CUBN: variants seen among roughly 807,000 people sequenced by gnomAD.
The protein encoded by CUBN is cubilin.
A neutral mutation model predicts 405.3 loss-of-function variants in CUBN; 282 were observed. The observed-to-expected ratio is 0.70, with a 90% CI of 0.63 to 0.77. CUBN has a LOEUF of 0.77. CUBN is among the 30% of genes least tolerant of loss of function. CUBN has a pLI of 0.00. For synonymous variants in CUBN, 1,684 were observed against 1,617.0 expected, an observed-to-expected ratio of 1.04 and a Z score of -0.99; for missense variants, 4,514 against 4,475.2, an observed-to-expected ratio of 1.01 and a Z score of -0.25.
intron 9 of CUBN, 101 bp downstream of exon 9, chr10:17,110,818 C>T (rs1836756328): frequency 3.8e-6 from 6 of 1,562,602 alleles, no homozygotes; most frequent in Non-Finnish European, 5.3e-6. Context: ...CAACTGCACT[C>T]AGCCAGAAAT....
intron 56 of CUBN, 103 bp downstream of exon 56, chr10:16,888,314 A>T: frequency 1.1e-6 from 1 of 902,348 alleles, no homozygotes; most frequent in Non-Finnish European, 1.8e-6. Flanking sequence ...AACTGGATTT[A>T]GCCACTCTAC....
chr10:16,969,762 A>G (rs1047158156), intron 31 of CUBN, among the ~76,000 whole-genome samples: 4 of 152,132 alleles, frequency 2.6e-5, no homozygotes, highest in Non-Finnish European at 5.9e-5. Flanking sequence ...GCTTGCCTCA[A>G]TTTGGAACCT....
intron 17 of CUBN, among the ~76,000 whole-genome samples, chr10:17,076,548 C>T (rs990209459): frequency 3.3e-5 from 5 of 149,958 alleles, no homozygotes; most frequent in African/African-American, 9.8e-5. Context: ...CATTATTTTA[C>T]ATAGTTATTC....
chr10:16,840,387 T>TA lies in CUBN; in HGVS notation c.9974dup (p.Leu3325PhefsTer61). ...GCGTGCAGTCTTGCGAGGTCAGCTG[T>TA]AATGCCCACACAGTTATCTTGACCT... On this transcript the variant is annotated frameshift_variant, in exon 62 of 67. Coordinates refer to ENST00000377833, the MANE Select transcript of CUBN (RefSeq NM_001081.4). LOFTEE classifies it high-confidence loss of function. 6.2e-7 allele frequency: 1 copy of TA among 1,614,166 alleles called. No individual in the cohort carries two copies. The highest frequency in any genetic ancestry group is 8.5e-7 in the Non-Finnish European group (1 of 1,180,018).
chr10:16,865,173 T>C (rs138340716), intron 59 of CUBN, among the ~76,000 whole-genome samples: 2,649 of 151,870 alleles, frequency 0.017, 73 homozygotes, highest in African/African-American at 0.06. Flanking sequence ...TTTCACCATG[T>C]AGGCCAGGCT....
chr10:17,045,269 C>T (rs1251047777), intron 24 of CUBN, 81 bp from the exon 25 acceptor site: 12 of 1,315,752 alleles, frequency 9.1e-6, no homozygotes, highest in East Asian at 2.4e-5. Flanking sequence ...TAAACTGGTG[C>T]CATTCTACTA....
chr10:17,095,750 A>G (rs1836359821), intron 14 of CUBN, among the ~76,000 whole-genome samples: 1 of 152,134 alleles, frequency 6.6e-6, no homozygotes, highest in Non-Finnish European at 1.5e-5. Context: ...TTATATATCC[A>G]CAGAAAATTA....
chr10:17,067,936 T>C (rs747733649), intron 21 of CUBN, 128 bp downstream of exon 21: 1 of 730,682 alleles, frequency 1.4e-6, no homozygotes, highest in Non-Finnish European at 2.4e-6. Context: ...TATGTAGAAA[T>C]GGTCATTAAG....
At chr10:17,027,893 A>C (rs896596867) in intron 27 of CUBN, among the ~76,000 whole-genome samples, 2 of 152,172 alleles carry the variant, frequency 1.3e-5, no homozygotes, top group Admixed American at 1.3e-4. Flanking sequence ...ATTTACAAAA[A>C]ATTATTTCTT....
chr10:16,909,044 G>A lies in CUBN; in HGVS notation c.7534-1365C>T, dbSNP rs1341307024. 2.6e-5 allele frequency among the ~76,000 whole-genome samples: 4 copies of A among 151,382 alleles called. 1 individual carries two copies. In the South Asian group the frequency reaches 8.4e-4, roughly 32 times the overall value. On this transcript the variant is annotated intron_variant, in intron 48 of 66. Transcript: ENST00000377833. ...ACTACAGGTGCCCGCCACCGCGCCC[G>A]GCTAATTTTTTTTTGTATTTTTAGT... is the stretch of plus-strand genomic sequence containing the variant.
chr10:16,829,750 G>A (rs1838918826), intron 65 of CUBN, among the ~76,000 whole-genome samples: 1 of 152,076 alleles, frequency 6.6e-6, no homozygotes, highest in South Asian at 2.1e-4. Flanking sequence ...GACCACTGAG[G>A]TCTAATCTCA....
At chr10:17,006,538 G>T (rs552211172) in intron 28 of CUBN, among the ~76,000 whole-genome samples, 1 of 152,124 alleles carries the variant, frequency 6.6e-6, no homozygotes, top group Non-Finnish European at 1.5e-5. Flanking sequence ...GAATTCCCCC[G>T]AAAGACCAGT....
At chr10:16,914,082 A>C (rs1210033247) in intron 47 of CUBN, 90 bp from the exon 48 acceptor site, 18 of 1,387,406 alleles carry the variant, frequency 1.3e-5, no homozygotes, top group Admixed American at 1.3e-4. Context: ...GTATTTAAAA[A>C]TTATCCTTCT....
chr10:16,841,138 G>C, intron 60 of CUBN, 91 bp from the exon 61 acceptor site: 2 of 1,060,278 alleles, frequency 1.9e-6, no homozygotes, highest in Non-Finnish European at 2.9e-6. Context: ...AATAGGTCAC[G>C]GTAAACATTT....
chr10:16,922,716 T>C (rs1842070779), intron 43 of CUBN, among the ~76,000 whole-genome samples: 1 of 152,182 alleles, frequency 6.6e-6, no homozygotes, highest in Non-Finnish European at 1.5e-5. Context: ...TGCATTCACA[T>C]CTTTTTATCA....
In CUBN at chr10:16,864,567, G is replaced by A. The variant is rs1441803364; in HGVS notation, c.9454+5069C>T. On this transcript the variant is annotated intron_variant, in intron 59 of 66. Coordinates refer to ENST00000377833, the MANE Select transcript of CUBN (RefSeq NM_001081.4). ...GTAGATAAAAATTGAGATTCAAAACGTTATAGGGCTTTTCTAAAGCCGTAT... is the reference window on the plus strand; with the variant it reads ...GTAGATAAAAATTGAGATTCAAAACATTATAGGGCTTTTCTAAAGCCGTAT... Among the ~76,000 whole-genome samples, 4 of 151,064 alleles carry A rather than the reference G, an allele frequency of 2.6e-5. No individual in the cohort carries two copies. The East Asian group carries it at 7.7e-4, about 29-fold the overall frequency.
intron 22 of CUBN, among the ~76,000 whole-genome samples, chr10:17,052,474 A>G (rs1835290803): frequency 6.6e-6 from 1 of 150,480 alleles, no homozygotes. Flanking sequence ...AGAGAGAAGT[A>G]GGCTGGGTGC....
chr10:16,918,590 A>G, intron 45 of CUBN, 32 bp downstream of exon 45: 1 of 1,546,128 alleles, frequency 6.5e-7, no homozygotes. Context: ...GTACCCCTGA[A>G]CCTAAAATAA....
chr10:16,961,575 A>G (rs1843218042), intron 31 of CUBN, among the ~76,000 whole-genome samples: 1 of 152,188 alleles, frequency 6.6e-6, no homozygotes, highest in South Asian at 2.1e-4. Context: ...TGGGAAAATA[A>G]AGAAGCCAAG....
Sources: gnomAD v4.1 joint callset for allele counts (sites outside exome capture counted in the v4.1 genomes callset) on GRCh38, gnomAD v4.1.1 for gene constraint, MANE v1.5 for transcripts, NCBI Gene and HGNC (gene_info 2026-07-23, HGNC 2026-07-21) for gene names.